Variants in XKR5 observed in about 807,000 individuals in gnomAD.
XKR5 encodes the protein XK related 5, also known as XK-related protein 5.
XKR5 carries 46 observed loss-of-function variants against 40.8 expected under a neutral mutation model. The ratio of observed to expected loss-of-function variants is 1.13; its 90% CI spans 0.89 to 1.44. The LOEUF (loss-of-function observed/expected upper bound fraction) is 1.44, where lower values mean the gene tolerates loss of function less well. XKR5 is among the 40% of genes most tolerant of loss of function. XKR5 has a pLI of 0.00. For synonymous variants in XKR5, 466 were observed against 356.1 expected, an observed-to-expected ratio of 1.31 and a Z score of -3.48; for missense variants, 1,169 against 844.7, an observed-to-expected ratio of 1.38 and a Z score of -4.76.
chr8:6,823,782 G>A (rs1804346468), intron 3 of XKR5, 52 bp from the exon 4 acceptor site: 2 of 1,440,266 alleles, frequency 1.4e-6, no homozygotes, highest in Non-Finnish European at 1.9e-6. Context: ...CGAAGTAACA[G>A]TACCTTGTGA....
At chr8:6,828,338 G>A (rs1385491331) in intron 2 of XKR5, among the ~76,000 whole-genome samples, 1 of 152,150 alleles carries the variant, frequency 6.6e-6, no homozygotes, top group African/African-American at 2.4e-5. Flanking sequence ...AGTGGCACAG[G>A]GTACAAGGCA....
chr8:6,820,282 T>A lies in XKR5; in HGVS notation c.807+1587A>T, dbSNP rs567077092. Among the ~76,000 whole-genome samples the A allele has an allele frequency of 2.3e-4, 35 of 152,308 alleles. 1 individual carries two copies. In the South Asian group the frequency reaches 6.8e-3, roughly 30 times the overall value. On this transcript the variant is annotated intron_variant, in intron 5 of 6. Transcript: ENST00000618742. ...GACACTCGTGCCACTGTGGTAGATCTCACTCCAAATGTAATGGTGTCTGAT... is the reference window on the plus strand; with the variant it reads ...GACACTCGTGCCACTGTGGTAGATCACACTCCAAATGTAATGGTGTCTGAT...
chr8:6,815,896 A>G lies in XKR5; in HGVS notation c.830T>C (p.Ile277Thr). The G allele has an allele frequency of 1.2e-6, 2 of 1,602,488 alleles. No individual in the cohort carries two copies. Among genetic ancestry groups the G allele is most frequent in the South Asian group, 2.3e-5 (2 of 88,620 alleles). Reference protein sequence around the residue: ...FYMVMLLENIILLLLATDFLQ... With the variant: ...FYMVMLLENITLLLLATDFLQ... ...AAAGTCGGTGGCCAACAGCAACAGG[A>G]TGATGTTCTCCAACAGCATGACCTG... The change falls in exon 6 of 7, where the codon ATC (isoleucine) becomes ACC (threonine). Residue 277 changes from isoleucine (I) to threonine (T), a missense_variant. Physicochemically the swap from Ile to Thr is moderately conservative, Grantham distance 89. Coordinates refer to ENST00000618742, the MANE Select transcript of XKR5 (RefSeq NM_207411.5).
chr8:6,811,213 C>T lies in XKR5; in HGVS notation c.2046G>A (p.Pro682=), dbSNP rs368947710. 78 of 1,535,168 alleles carry T rather than the reference C, an allele frequency of 5.1e-5. No homozygotes were observed. The African/African-American group carries it at 5.9e-4, about 12-fold the overall frequency. The change falls in exon 7 of 7, where the codon CCG becomes CCA. Residue 682 remains proline (P), a synonymous_variant. Transcript: ENST00000618742. ...ATGACTGTGGTCAGATGAAAAAACT[C>T]GGCTCTTGCTTCATCTGTTCCCTGC... ...CSCREQMKQE[P]SFFI is the part of the protein sequence containing the mutation.
intron 3 of XKR5, among the ~76,000 whole-genome samples, chr8:6,824,341 G>A (rs1804367179): frequency 6.6e-6 from 1 of 151,678 alleles, no homozygotes; most frequent in African/African-American, 2.4e-5. Flanking sequence ...GGGGAGGGGA[G>A]AAAAGGGGAT....
intron 4 of XKR5, among the ~76,000 whole-genome samples, chr8:6,822,704 T>G (rs190426440): frequency 2.6e-5 from 4 of 152,354 alleles, no homozygotes; most frequent in Admixed American, 1.3e-4. Flanking sequence ...TGACCAGAGA[T>G]GACAGCTCTC....
At chr8:6,834,453 C>T (rs1804912717) in intron 1 of XKR5, among the ~76,000 whole-genome samples, 1 of 152,216 alleles carries the variant, frequency 6.6e-6, no homozygotes, top group Non-Finnish European at 1.5e-5. Context: ...GGAATGCTGA[C>T]ACCCAGTCCG....
At chr8:6,817,367 C>T (rs1804010475) in intron 5 of XKR5, among the ~76,000 whole-genome samples, 1 of 152,170 alleles carries the variant, frequency 6.6e-6, no homozygotes, top group African/African-American at 2.4e-5. Context: ...GCATGCTCTT[C>T]CCAAACGACA....
At chr8:6,827,110 A>G (rs73513716) in intron 2 of XKR5, among the ~76,000 whole-genome samples, 2,176 of 152,218 alleles carry the variant, frequency 0.014, 60 homozygotes, top group African/African-American at 0.05. Context: ...ATGACCACGA[A>G]GCCACTCCCC....
chr8:6,832,697 A>T lies in XKR5; in HGVS notation c.242+20T>A, dbSNP rs369632522. The stretch of plus-strand genomic sequence containing the variant: ...CTTGTGCAATTGTGCTCCAGAGGTG[A>T]AAGAGGCAGCTGTTCTTACCGCTTC... On this transcript the variant is annotated intron_variant, in intron 2 of 6. Coordinates refer to ENST00000618742, the MANE Select transcript of XKR5 (RefSeq NM_207411.5). The T allele has an allele frequency of 1.4e-5, 22 of 1,612,042 alleles. 1 individual carries two copies. Among genetic ancestry groups the T allele is most frequent in the Non-Finnish European group, 1.8e-5 (21 of 1,179,162 alleles).
At chr8:6,826,801 A>G (rs1011822229) in intron 2 of XKR5, among the ~76,000 whole-genome samples, 3 of 152,140 alleles carry the variant, frequency 2.0e-5, no homozygotes, top group African/African-American at 7.2e-5. Flanking sequence ...CGAAAGGGAC[A>G]CCAGCAAGGG....
In XKR5 at chr8:6,812,028, C is replaced by G. The variant is rs1803733834; in HGVS notation, c.1231G>C (p.Ala411Pro). The change falls in exon 7 of 7, where the codon GCC becomes CCC. Residue 411 changes from alanine to proline, a missense_variant. Physicochemically the swap from Ala to Pro is conservative, Grantham distance 27 (BLOSUM62 -1). Coordinates refer to ENST00000618742, the MANE Select transcript of XKR5 (RefSeq NM_207411.5). ...TTAGACACATTTCCTGTTTTTAGGG[C>G]AAGTTTCACCCACAGCCAGTGGTGA... ...SHHHWLWVKL[A>P]LKTGNVSKIN... is the part of the protein sequence containing the mutation. The G allele has an allele frequency of 6.5e-7, 1 of 1,537,744 alleles. No individual in the cohort carries two copies. Among genetic ancestry groups the G allele is most frequent in the Non-Finnish European group, 8.7e-7 (1 of 1,146,934 alleles).
intron 3 of XKR5, among the ~76,000 whole-genome samples, chr8:6,824,771 C>T (rs1167484520): frequency 6.6e-6 from 1 of 152,152 alleles, no homozygotes; most frequent in Non-Finnish European, 1.5e-5. Context: ...AATCCACCCA[C>T]CTCAGCTTCC....
intron 2 of XKR5, chr8:6,829,387 G>C (rs182272584): frequency 8.4e-5 from 14 of 167,314 alleles, no homozygotes; most frequent in African/African-American, 3.4e-4. Context: ...AGAAAGTAAT[G>C]GTCTTTGTTT....
At chr8:6,819,717 C>A (rs984345750) in intron 5 of XKR5, among the ~76,000 whole-genome samples, 1 of 152,186 alleles carries the variant, frequency 6.6e-6, no homozygotes, top group Non-Finnish European at 1.5e-5. Flanking sequence ...GACTGGCAGG[C>A]ACTCTTGAAA....
At chr8:6,820,831 C>T (rs922863907) in intron 5 of XKR5, among the ~76,000 whole-genome samples, 1 of 152,178 alleles carries the variant, frequency 6.6e-6, no homozygotes, top group Non-Finnish European at 1.5e-5. Flanking sequence ...GTCTAGGACG[C>T]TTCCCTTTCC....
intron 1 of XKR5, 112 bp downstream of exon 1, chr8:6,835,324 G>C (rs1463842460): frequency 2.7e-5 from 30 of 1,128,424 alleles, no homozygotes; most frequent in Non-Finnish European, 3.4e-5. Context: ...CGCAGTGCTG[G>C]GCGCAGGCTG....
intron 6 of XKR5, among the ~76,000 whole-genome samples, chr8:6,813,446 G>A (rs1803824336): frequency 6.6e-6 from 1 of 152,168 alleles, no homozygotes; most frequent in South Asian, 2.1e-4. Flanking sequence ...CTTTCCAGAG[G>A]CCATGTGGTT....
At chr8:6,826,326 TGTGA>T (rs34533287) in intron 2 of XKR5, among the ~76,000 whole-genome samples, 7,068 of 152,060 alleles carry the variant, frequency 0.046, 530 homozygotes, top group African/African-American at 0.16. Context: ...GTGTGTGCAG[TGTGA>T]GTGTGTGTGT....
Sources: allele counts gnomAD v4.1 joint callset (sites outside exome capture counted in the v4.1 genomes callset), GRCh38; gene constraint gnomAD v4.1.1; transcripts MANE v1.5; gene names NCBI Gene and HGNC (gene_info 2026-07-23, HGNC 2026-07-21).